The following OLFM3 variants were observed in gnomAD, a reference collection of about 807,000 sequenced individuals.
The protein encoded by OLFM3 is olfactomedin 3, also known as noelin-3.
Under a neutral mutation model 48.6 loss-of-function variants are expected in OLFM3, and 20 were observed. The ratio of observed to expected loss-of-function variants is 0.41; its 90% CI spans 0.29 to 0.60. The LOEUF is 0.60. OLFM3 is among the 20% of genes least tolerant of loss of function. The pLI is 0.28. For synonymous variants in OLFM3, 222 were observed against 198.1 expected, an observed-to-expected ratio of 1.12 and a Z score of -1.01; for missense variants, 437 against 544.3, an observed-to-expected ratio of 0.80 and a Z score of 1.96.
intron 1 of OLFM3, among the ~76,000 whole-genome samples, chr1:101,902,171 C>T (rs1658409587): frequency 6.6e-6 from 1 of 151,492 alleles, no homozygotes. Context: ...GACGTGGAAG[C>T]CAAATAGGGA....
intron 1 of OLFM3, among the ~76,000 whole-genome samples, chr1:101,939,507 A>G (rs757137993): frequency 6.6e-6 from 1 of 152,142 alleles, no homozygotes; most frequent in East Asian, 1.9e-4. Context: ...AGGCTTATGG[A>G]CAAACTTGAG....
At position 101,880,762 on chromosome 1, in the gene OLFM3, A is replaced by C. The variant is rs1291685354; in HGVS notation, c.70-43737T>G. Among the ~76,000 whole-genome samples the C allele has an allele frequency of 4.0e-5, 6 of 151,870 alleles. No individual in the cohort carries two copies. The East Asian group carries it at 1.2e-3, about 29-fold the overall frequency. On this transcript the variant is annotated intron_variant, in intron 1 of 5. Coordinates refer to ENST00000370103, the MANE Select transcript of OLFM3 (RefSeq NM_058170.4). ...TCTGCTGCAAATACCTTGGAGGAGAAAGTAATTTCTAAATATACAGAGAGG... is the reference window on the plus strand; with the variant it reads ...TCTGCTGCAAATACCTTGGAGGAGACAGTAATTTCTAAATATACAGAGAGG...
At chr1:101,847,513 T>C (rs186051223) in intron 1 of OLFM3, among the ~76,000 whole-genome samples, 3 of 144,316 alleles carry the variant, frequency 2.1e-5, no homozygotes, top group Non-Finnish European at 4.6e-5. Context: ...GATGATCATA[T>C]TGAGAGTAGG....
At chr1:101,946,546 G>A (rs1659969758) in intron 1 of OLFM3, among the ~76,000 whole-genome samples, 1 of 152,176 alleles carries the variant, frequency 6.6e-6, no homozygotes, top group Admixed American at 6.5e-5. Flanking sequence ...AATTTGAAAT[G>A]AAAAGTCAAA....
intron 3 of OLFM3, among the ~76,000 whole-genome samples, chr1:101,825,729 A>G (rs1373564122): frequency 6.6e-6 from 1 of 152,214 alleles, no homozygotes; most frequent in Non-Finnish European, 1.5e-5. Context: ...GGGCACATAC[A>G]GAAAATTGTG....
intron 1 of OLFM3, among the ~76,000 whole-genome samples, chr1:101,964,146 G>C (rs1264588905): frequency 6.6e-6 from 1 of 152,144 alleles, no homozygotes; most frequent in African/African-American, 2.4e-5. Flanking sequence ...AATTAGTCTT[G>C]AAGCAGATTG....
intron 1 of OLFM3, among the ~76,000 whole-genome samples, chr1:101,946,204 A>G (rs1659959625): frequency 6.6e-6 from 1 of 152,234 alleles, no homozygotes; most frequent in South Asian, 2.1e-4. Context: ...TTCTCTAATC[A>G]GAATCCAATT....
chr1:101,965,335 C>A (rs1660578430), intron 1 of OLFM3, among the ~76,000 whole-genome samples: 1 of 152,092 alleles, frequency 6.6e-6, no homozygotes, highest in Non-Finnish European at 1.5e-5. Flanking sequence ...CAGAATAGGA[C>A]AAAGATTTCG....
At chr1:101,828,125 T>C (rs1391801332) in intron 3 of OLFM3, among the ~76,000 whole-genome samples, 2 of 151,572 alleles carry the variant, frequency 1.3e-5, no homozygotes, top group East Asian at 3.9e-4. Flanking sequence ...TCCATCATGA[T>C]TGTAAGTTTC....
At chr1:101,942,715 T>C (rs1659833047) in intron 1 of OLFM3, among the ~76,000 whole-genome samples, 1 of 152,170 alleles carries the variant, frequency 6.6e-6, no homozygotes, top group Admixed American at 6.5e-5. Flanking sequence ...ATGAGGGCTG[T>C]TCACTTATTT....
intron 1 of OLFM3, among the ~76,000 whole-genome samples, chr1:101,941,206 C>T (rs1474135949): frequency 2.6e-5 from 4 of 152,124 alleles, no homozygotes; most frequent in African/African-American, 7.2e-5. Flanking sequence ...AGATCAACCA[C>T]GGCAGTGGCA....
At chr1:101,859,705 A>T (rs1481198349) in intron 1 of OLFM3, 1 of 152,154 alleles carries the variant, frequency 6.6e-6, no homozygotes, top group Non-Finnish European at 1.5e-5. Flanking sequence ...TTTCAGATGT[A>T]GATTTTCAGA....
At chr1:101,958,835 T>TTATATATAAATATATATA (rs1553183319) in intron 1 of OLFM3, among the ~76,000 whole-genome samples, 2 of 146,392 alleles carry the variant, frequency 1.4e-5, no homozygotes, top group African/African-American at 2.5e-5. Flanking sequence ...CAAAGTGATA[T>TTATATATAAATATATATA]TATATATATA....
At chr1:101,841,905 A>G (rs1655739766) in intron 1 of OLFM3, among the ~76,000 whole-genome samples, 1 of 152,220 alleles carries the variant, frequency 6.6e-6, no homozygotes, top group Admixed American at 6.5e-5. Flanking sequence ...TACCTGAGTG[A>G]TGAAAAATCC....
chr1:101,989,302 T>G (rs1413269622), intron 1 of OLFM3, among the ~76,000 whole-genome samples: 1 of 152,138 alleles, frequency 6.6e-6, no homozygotes, highest in Admixed American at 6.5e-5. Flanking sequence ...CAACACCTTG[T>G]TTTTAAAGCA....
intron 1 of OLFM3, among the ~76,000 whole-genome samples, chr1:101,937,455 G>A (rs6678344): frequency 0.37 from 55,774 of 152,010 alleles, 10,471 homozygotes; most frequent in East Asian, 0.51. Flanking sequence ...GGAGGGCCCC[G>A]GTGGGAGGTA....
chr1:101,841,425 T>C (rs1655715500), intron 1 of OLFM3, among the ~76,000 whole-genome samples: 1 of 152,232 alleles, frequency 6.6e-6, no homozygotes, highest in Non-Finnish European at 1.5e-5. Context: ...CAGAGCTTTT[T>C]ATGCTCATAC....
At position 101,926,153 on chromosome 1, in the gene OLFM3, A is replaced by T. The variant is rs1340399311; in HGVS notation, c.69+70595T>A. On this transcript the variant is annotated intron_variant, in intron 1 of 5. Coordinates refer to ENST00000370103, the MANE Select transcript of OLFM3 (RefSeq NM_058170.4). ...TGAAGCCTTAGGTTAATTTAACTAG[A>T]TCATTAAAATATTAGAATTTTCTAA... Among the ~76,000 whole-genome samples, 2 of 152,288 alleles carry T rather than the reference A, an allele frequency of 1.3e-5. 1 individual carries two copies. Among genetic ancestry groups the T allele is most frequent in the Non-Finnish European group, 2.9e-5 (2 of 67,996 alleles).
At chr1:101,845,187 A>G (rs1168945296) in intron 1 of OLFM3, among the ~76,000 whole-genome samples, 1 of 151,570 alleles carries the variant, frequency 6.6e-6, no homozygotes, top group South Asian at 2.1e-4. Context: ...TCTTATTATT[A>G]TTATTTTTTT....
Sources: allele counts gnomAD v4.1 joint callset (sites outside exome capture counted in the v4.1 genomes callset), GRCh38; gene constraint gnomAD v4.1.1; transcripts MANE v1.5; gene names NCBI Gene and HGNC (gene_info 2026-07-23, HGNC 2026-07-21).